The following FAT3 variants were observed in gnomAD, a reference collection of about 807,000 sequenced individuals.
FAT3 encodes protocadherin Fat 3.
In FAT3, 95 loss-of-function variants were observed where a neutral mutation model predicts 310.2. The observed-to-expected ratio is 0.31, with a 90% CI of 0.26 to 0.36. FAT3 has a LOEUF of 0.36. Among genes scored for constraint, FAT3 ranks in the 10% least tolerant of loss-of-function variants. The pLI is 1.00. For synonymous variants in FAT3, 2,314 were observed against 2,192.9 expected (o/e 1.06, Z -1.54); for missense variants, 5,408 against 5,715.6 (o/e 0.95, Z 1.74).
intron 7 of FAT3, among the ~76,000 whole-genome samples, chr11:92,789,470 A>G (rs1436144893): frequency 6.6e-6 from 1 of 152,204 alleles, no homozygotes; most frequent in Non-Finnish European, 1.5e-5. Flanking sequence ...GGGCATGGAC[A>G]CTGCCACTGA....
chr11:92,857,273 C>G lies in FAT3; in HGVS notation c.11425C>G (p.Gln3809Glu). 1.2e-6 allele frequency: 2 copies of G among 1,613,968 alleles called. No individual in the cohort carries two copies. Among genetic ancestry groups the G allele is most frequent in the Non-Finnish European group, 1.7e-6 (2 of 1,179,884 alleles). ...GGAGAAGCCGTGTCCAGGGGACATG[C>G]AGTGTGTCAGTTATGAAGCCAGCAG... Reference protein sequence around the residue: ...CVEKPCPGDMQCVSYEASRRP... With the variant: ...CVEKPCPGDMECVSYEASRRP... Residue 3809 changes from glutamine (Q) to glutamate (E), a missense_variant, in exon 20 of 28, where the codon CAG becomes GAG. Physicochemically the swap from Gln to Glu is conservative, Grantham distance 29. Transcript: ENST00000525166.
chr11:92,587,386 T>G (rs532224181), intron 3 of FAT3, among the ~76,000 whole-genome samples: 27 of 152,160 alleles, frequency 1.8e-4, no homozygotes, highest in Non-Finnish European at 2.6e-4. Flanking sequence ...TCAATATTCT[T>G]GTAAACGAAT....
At position 92,443,701 on chromosome 11, in the gene FAT3, A is replaced by G. The variant is rs149810947; in HGVS notation, c.3293-80933A>G. Among the ~76,000 whole-genome samples, 230 of 152,278 alleles carry G rather than the reference A, an allele frequency of 1.5e-3. 2 individuals carry two copies. Among genetic ancestry groups the G allele is most frequent in the African/African-American group, 5.4e-3 (226 of 41,576 alleles). On this transcript the variant is annotated intron_variant, in intron 2 of 27. Transcript: ENST00000525166. ...ATCTATTCTGTGTGGAAAGATGGCTATTTCTCAGCGAGTACCTCACTTCAA... is the reference window on the plus strand; with the variant it reads ...ATCTATTCTGTGTGGAAAGATGGCTGTTTCTCAGCGAGTACCTCACTTCAA...
Position 92,894,187 on chromosome 11 carries a change from A to G in FAT3, c.*3074A>G, listed in dbSNP as rs1949974320. The G allele has an allele frequency of 6.6e-6, 1 of 152,194 alleles. No homozygotes were observed. Among genetic ancestry groups the G allele is most frequent in the East Asian group, 1.9e-4 (1 of 5,194 alleles). 9.4% of individuals were successfully genotyped at this position (152,194 alleles called of 1,614,324 possible). ...TCTTATGTTTCCTTGCAGTCCCCCT[A>G]GGGAGAGGGGTTATAGAATTCATAC... is the stretch of plus-strand genomic sequence containing the variant. On this transcript the variant is annotated 3_prime_UTR_variant, in exon 28 of 28. Coordinates refer to ENST00000525166, the MANE Select transcript of FAT3 (RefSeq NM_001367949.2).
At chr11:92,567,647 C>T (rs1955510787) in intron 3 of FAT3, among the ~76,000 whole-genome samples, 1 of 151,856 alleles carries the variant, frequency 6.6e-6, no homozygotes, top group Admixed American at 6.6e-5. Context: ...AAATGTCCAA[C>T]AATGATAGAC....
chr11:92,335,444 G>A (rs753752177), intron 1 of FAT3, among the ~76,000 whole-genome samples: 3 of 152,112 alleles, frequency 2.0e-5, no homozygotes, highest in Admixed American at 6.5e-5. Flanking sequence ...TGAGGTAATT[G>A]TATGAAATTA....
chr11:92,855,986 T>TC (rs1565653485), intron 19 of FAT3, among the ~76,000 whole-genome samples: 1 of 151,064 alleles, frequency 6.6e-6, no homozygotes, highest in East Asian at 1.9e-4. Flanking sequence ...TATGCTTTTT[T>TC]TTTTTTTTTT....
chr11:92,394,541 G>A (rs1949819173), intron 2 of FAT3, among the ~76,000 whole-genome samples: 1 of 152,112 alleles, frequency 6.6e-6, no homozygotes, highest in Non-Finnish European at 1.5e-5. Context: ...GCAAGAGGCA[G>A]TTTTGCTACC....
In FAT3 at chr11:92,271,397, C is replaced by G. The variant is rs552820307; in HGVS notation, c.-18+46223C>G. On this transcript the variant is annotated intron_variant, in intron 1 of 27. Transcript: ENST00000525166. The stretch of plus-strand genomic sequence containing the variant: ...CTGTCTTCATTTACTCACTCCCCTC[C>G]AAGCAGCCATTCCTGACCACCTTAG... Among the ~76,000 whole-genome samples, 6 of 152,256 alleles carry G rather than the reference C, an allele frequency of 3.9e-5. No homozygotes were observed. In the South Asian group the frequency reaches 1.2e-3, roughly 32 times the overall value.
intron 1 of FAT3, among the ~76,000 whole-genome samples, chr11:92,230,882 T>G (rs1468458176): frequency 6.6e-6 from 1 of 152,186 alleles, no homozygotes; most frequent in Non-Finnish European, 1.5e-5. Context: ...GTGTAAGTTA[T>G]TAAAGTGAAT....
chr11:92,814,655 C>G (rs986983665), intron 13 of FAT3, among the ~76,000 whole-genome samples: 2 of 152,150 alleles, frequency 1.3e-5, no homozygotes, highest in Admixed American at 1.3e-4. Flanking sequence ...AACACACATA[C>G]CGTTAATAAC....
intron 3 of FAT3, among the ~76,000 whole-genome samples, chr11:92,593,859 T>G (rs116771928): frequency 6.6e-6 from 1 of 152,188 alleles, no homozygotes; most frequent in Non-Finnish European, 1.5e-5. Context: ...AAAATTATAA[T>G]GAGGTATGGC....
At chr11:92,475,359 AT>A (rs1219945659) in intron 2 of FAT3, among the ~76,000 whole-genome samples, 2 of 151,944 alleles carry the variant, frequency 1.3e-5, no homozygotes, top group African/African-American at 4.8e-5. Context: ...TGGGCTGTCT[AT>A]TTTTTTGTCC....
intron 2 of FAT3, among the ~76,000 whole-genome samples, chr11:92,386,559 TGTTA>T (rs1191224028): frequency 1.3e-5 from 2 of 152,226 alleles, no homozygotes; most frequent in Non-Finnish European, 2.9e-5. Flanking sequence ...ACATTATAAA[TGTTA>T]GTTATTATTA....
chr11:92,336,446 C>A, intron 1 of FAT3: 1 of 314,636 alleles, frequency 3.2e-6, no homozygotes, highest in Non-Finnish European at 6.2e-6. Flanking sequence ...TTTGCATCAC[C>A]ACTGCCGCCA....
intron 2 of FAT3, among the ~76,000 whole-genome samples, chr11:92,433,403 A>G (rs1950843485): frequency 1.3e-5 from 2 of 152,198 alleles, no homozygotes; most frequent in Non-Finnish European, 2.9e-5. Context: ...GGTTGCAAAG[A>G]CAGTGGGCAA....
chr11:92,889,220 C>T lies in FAT3; in HGVS notation c.13083C>T (p.Asn4361=), dbSNP rs924146313. Residue 4361 remains asparagine (N), a synonymous_variant, in exon 26 of 28, where the codon AAC becomes AAT. Coordinates refer to ENST00000525166, the MANE Select transcript of FAT3 (RefSeq NM_001367949.2). ...TAGTGACTGTCATTCAGCTTGTCAA[C>T]AATGTAGTTGACACTATAGAGAATG... The part of the protein sequence containing the change: ...ASIVTVIQLV[N]NVVDTIENEV... 7.0e-6 allele frequency: 5 copies of T among 714,326 alleles called. No homozygotes were observed. In the African/African-American group the frequency reaches 8.8e-5, roughly 13 times the overall value. 44.2% of individuals were successfully genotyped at this position (714,326 alleles called of 1,614,324 possible).
chr11:92,741,167 C>T (rs536934049), intron 4 of FAT3, among the ~76,000 whole-genome samples: 10 of 152,240 alleles, frequency 6.6e-5, no homozygotes, highest in African/African-American at 2.4e-4. Flanking sequence ...TTAGCCTCCC[C>T]AGTAACTGGG....
At chr11:92,372,252 T>C (rs1251283975) in intron 2 of FAT3, among the ~76,000 whole-genome samples, 1 of 152,080 alleles carries the variant, frequency 6.6e-6, no homozygotes, top group Non-Finnish European at 1.5e-5. Flanking sequence ...CTGTCTTTTA[T>C]CAATGAGTAC....
Sources: allele counts gnomAD v4.1 joint callset (sites outside exome capture counted in the v4.1 genomes callset), GRCh38; gene constraint gnomAD v4.1.1; transcripts MANE v1.5; gene names NCBI Gene and HGNC (gene_info 2026-07-23, HGNC 2026-07-21).